The following TNFRSF8 variants were observed in gnomAD, a reference collection of about 807,000 sequenced individuals.
TNFRSF8 encodes tumor necrosis factor receptor superfamily member 8.
TNFRSF8 carries 26 observed loss-of-function variants against 70.8 expected under a neutral mutation model. The ratio of observed to expected loss-of-function variants is 0.37; its 90% CI spans 0.27 to 0.51. The LOEUF (loss-of-function observed/expected upper bound fraction) is 0.51. Ranked by LOEUF, TNFRSF8 falls within the 20% of genes least tolerant of loss-of-function variation. The pLI, the probability that TNFRSF8 is intolerant of heterozygous loss-of-function variation, is 0.94. For synonymous variants in TNFRSF8, 356 were observed against 339.2 expected (o/e 1.05, Z -0.54); for missense variants, 720 against 807.9 (o/e 0.89, Z 1.32).
chr1:12,103,559 T>C (rs1389946820), intron 3 of TNFRSF8, among the ~76,000 whole-genome samples: 1 of 152,044 alleles, frequency 6.6e-6, no homozygotes, highest in East Asian at 1.9e-4. Flanking sequence ...AGCCTCAACC[T>C]CCTGGGCTCA....
chr1:12,124,490 G>T (rs189630872), intron 10 of TNFRSF8, among the ~76,000 whole-genome samples: 8 of 152,308 alleles, frequency 5.3e-5, no homozygotes, highest in Non-Finnish European at 1.0e-4. Flanking sequence ...AGACCGTGCA[G>T]GGTTATAAGC....
At chr1:12,071,609 T>C (rs1640846600) in intron 1 of TNFRSF8, among the ~76,000 whole-genome samples, 1 of 149,168 alleles carries the variant, frequency 6.7e-6, no homozygotes, top group Admixed American at 6.7e-5. Context: ...CCTCTCTCTC[T>C]TTTTTTTTTG....
chr1:12,104,394 A>G lies in TNFRSF8; in HGVS notation c.284A>G (p.Lys95Arg), dbSNP rs72861979. 1,410 of 1,614,034 alleles carry G rather than the reference A, an allele frequency of 8.7e-4. 11 individuals carry two copies. The African/African-American group carries it at 0.017, about 20-fold the overall frequency. The part of the protein sequence containing the change: ...VTCSRDDLVE[K>R]TPCAWNSSRV... ...TGTCCCTTAGACGACCTCGTGGAGA[A>G]GACGCCGTGTGCATGGAACTCCTCC... The change falls in exon 4 of 15, where the codon AAG (lysine) becomes AGG (arginine). Residue 95 changes from lysine to arginine, a missense_variant. Transcript: ENST00000263932.
At chr1:12,070,378 G>A (rs1236929892) in intron 1 of TNFRSF8, among the ~76,000 whole-genome samples, 2 of 152,072 alleles carry the variant, frequency 1.3e-5, no homozygotes, top group African/African-American at 4.8e-5. Flanking sequence ...AGCCTCCCGA[G>A]TAGCTGGGAC....
intron 8 of TNFRSF8, among the ~76,000 whole-genome samples, chr1:12,116,528 T>G (rs941195368): frequency 6.6e-6 from 1 of 151,900 alleles, no homozygotes; most frequent in Admixed American, 6.6e-5. Flanking sequence ...TGGCCAGGCG[T>G]GGTGGCTCAC....
chr1:12,132,184 G>A (rs1399472444), intron 12 of TNFRSF8, among the ~76,000 whole-genome samples: 2 of 152,242 alleles, frequency 1.3e-5, no homozygotes, highest in South Asian at 2.1e-4. Flanking sequence ...TCTGTGATTA[G>A]CATCTTAAGC....
At chr1:12,111,152 T>TA (rs1381523861) in intron 6 of TNFRSF8, among the ~76,000 whole-genome samples, 1 of 152,104 alleles carries the variant, frequency 6.6e-6, no homozygotes, top group African/African-American at 2.4e-5. Context: ...TGGCTTTGCT[T>TA]ATTCTCTCTA....
chr1:12,113,611 GAGAC>G lies in TNFRSF8; in HGVS notation c.793+1601_793+1604del, dbSNP rs986494688. On this transcript the variant is annotated intron_variant, in intron 7 of 14. Coordinates refer to ENST00000263932, the MANE Select transcript of TNFRSF8 (RefSeq NM_001243.5). This position sits in a 1 kb window ranked among gnomAD's most constrained non-coding sequence, Gnocchi z 4.9. ...TGAGAGGGAGAGAGAGAGTGAGAGA[GAGAC>G]AGAAAGAGGGAGAGAGAGAGACAGA... 9.9e-5 allele frequency among the ~76,000 whole-genome samples: 15 copies of G among 152,106 alleles called. No individual in the cohort carries two copies. Among genetic ancestry groups the G allele is most frequent in the African/African-American group, 3.4e-4 (14 of 41,504 alleles).
Position 12,109,975 on chromosome 1 carries a change from C to T in TNFRSF8, c.513-66C>T, listed in dbSNP as rs867150577. The T allele has an allele frequency of 1.1e-5, 17 of 1,559,878 alleles. No individual in the cohort carries two copies. Among genetic ancestry groups the T allele is most frequent in the Admixed American group, 7.2e-5 (4 of 55,590 alleles). On this transcript the variant is annotated intron_variant, in intron 5 of 14. Transcript: ENST00000263932. This position sits in a 1 kb window ranked among gnomAD's most constrained non-coding sequence, Gnocchi z 4.4. ...CCCCATCTCTGTGGAAACTGTTACT[C>T]GTGAGCACAGGCCTCCCTTGCCCCA...
intron 2 of TNFRSF8, among the ~76,000 whole-genome samples, chr1:12,091,103 C>T (rs1641241353): frequency 6.6e-6 from 1 of 152,136 alleles, no homozygotes; most frequent in Non-Finnish European, 1.5e-5. Flanking sequence ...CTAGCCCTGC[C>T]CATACCTTGA....
At chr1:12,080,958 G>C (rs1279660505) in intron 1 of TNFRSF8, among the ~76,000 whole-genome samples, 1 of 152,210 alleles carries the variant, frequency 6.6e-6, no homozygotes, top group African/African-American at 2.4e-5. Flanking sequence ...CTTAGTTGCT[G>C]TGTGACCTTG....
Position 12,088,619 on chromosome 1 carries a change from G to T in TNFRSF8, c.151+4068G>T, listed in dbSNP as rs1000758843. On this transcript the variant is annotated intron_variant, in intron 2 of 14. Coordinates refer to ENST00000263932, the MANE Select transcript of TNFRSF8 (RefSeq NM_001243.5). This position sits in a 1 kb window ranked among gnomAD's most constrained non-coding sequence, Gnocchi z 4.0. Reference sequence around the variant, plus strand: ...TTGTGTGCAGACTCGCTCCCCACAGGAAGGGGTCTCTCCTGCAGATGTTTG... The same window carrying T: ...TTGTGTGCAGACTCGCTCCCCACAGTAAGGGGTCTCTCCTGCAGATGTTTG... Among the ~76,000 whole-genome samples, 1 of 152,210 alleles carries T rather than the reference G, an allele frequency of 6.6e-6. No individual in the cohort carries two copies. The highest frequency in any genetic ancestry group is 2.4e-5 in the African/African-American group (1 of 41,454).
At chr1:12,065,328 C>T (rs935238191) in intron 1 of TNFRSF8, among the ~76,000 whole-genome samples, 1 of 152,158 alleles carries the variant, frequency 6.6e-6, no homozygotes, top group Non-Finnish European at 1.5e-5. Flanking sequence ...AGTGATCCTT[C>T]CGTCTCGGCC....
chr1:12,108,897 C>T lies in TNFRSF8; in HGVS notation c.422-669C>T, dbSNP rs11569866. Among the ~76,000 whole-genome samples, 4,120 of 152,262 alleles carry T rather than the reference C, an allele frequency of 0.027. 186 individuals carry two copies. The highest frequency in any genetic ancestry group is 0.093 in the African/African-American group (3,856 of 41,530). ...GGCAAACTGAGGGGCACTGGCTAGA[C>T]GATGTGTGTGTTTTCTTCTCCACTC... On this transcript the variant is annotated intron_variant, in intron 4 of 14. Coordinates refer to ENST00000263932, the MANE Select transcript of TNFRSF8 (RefSeq NM_001243.5). The surrounding 1 kb of genome is among the most constrained non-coding windows in gnomAD (Gnocchi z 4.0).
rs972530716 is a variant in TNFRSF8 at position 12,109,397 on chromosome 1, C to T, written c.422-169C>T. On this transcript the variant is annotated intron_variant, in intron 4 of 14. Transcript: ENST00000263932. This position sits in a 1 kb window ranked among gnomAD's most constrained non-coding sequence, Gnocchi z 4.4. ...GAGTAATTCCCCAGGGAAAGATAGG[C>T]TGCTTTACTCTGAAGGGGAACGGGT... 1.9e-4 allele frequency among the ~76,000 whole-genome samples: 29 copies of T among 152,192 alleles called. No homozygotes were observed. Among genetic ancestry groups the T allele is most frequent in the African/African-American group, 6.5e-4 (27 of 41,458 alleles).
intron 8 of TNFRSF8, among the ~76,000 whole-genome samples, chr1:12,122,445 G>C (rs1641847120): frequency 6.6e-6 from 1 of 151,830 alleles, no homozygotes; most frequent in Non-Finnish European, 1.5e-5. Context: ...TCAGGAGTTC[G>C]AGACCAGCCT....
intron 1 of TNFRSF8, among the ~76,000 whole-genome samples, chr1:12,072,660 T>C (rs1640867478): frequency 6.6e-6 from 1 of 152,168 alleles, no homozygotes; most frequent in Non-Finnish European, 1.5e-5. Context: ...GGCTAAGAAC[T>C]CCTAGAGGCG....
intron 8 of TNFRSF8, 82 bp downstream of exon 8, chr1:12,115,811 G>C (rs1168660423): frequency 6.6e-7 from 1 of 1,512,058 alleles, no homozygotes; most frequent in African/African-American, 1.4e-5. Context: ...CAACAGCCAG[G>C]GGTGGAGGCA....
chr1:12,136,578 G>A (rs1481882401), intron 13 of TNFRSF8, among the ~76,000 whole-genome samples: 2 of 151,360 alleles, frequency 1.3e-5, no homozygotes, highest in East Asian at 3.9e-4. Context: ...GAGCCTGGGG[G>A]ACAGAGGTTG....
Sources: gnomAD v4.1 joint callset for allele counts (sites outside exome capture counted in the v4.1 genomes callset) on GRCh38, gnomAD v4.1.1 for gene constraint, Gnocchi (gnomAD v3.1) non-coding constraint, MANE v1.5 for transcripts, NCBI Gene and HGNC (gene_info 2026-07-23, HGNC 2026-07-21) for gene names.